ANKRD31: variants seen among roughly 807,000 people sequenced by gnomAD.
The protein encoded by ANKRD31 is ankyrin repeat domain-containing protein 31.
ANKRD31 carries 147 observed loss-of-function variants against 186.0 expected under a neutral mutation model. The ratio of observed to expected loss-of-function variants is 0.79; its 90% CI spans 0.69 to 0.91. The LOEUF is 0.91. Ranked by LOEUF, ANKRD31 falls within the 40% of genes least tolerant of loss-of-function variation. The pLI is 0.00. For missense variants in ANKRD31, 1,986 were observed against 2,148.8 expected (o/e 0.92, Z 1.50); for synonymous variants, 673 against 736.4 (o/e 0.91, Z 1.39).
chr5:75,124,431 G>A (rs1461402404), intron 17 of ANKRD31, among the ~76,000 whole-genome samples: 1 of 152,076 alleles, frequency 6.6e-6, no homozygotes, highest in African/African-American at 2.4e-5. Context: ...TCACTACTGG[G>A]TATATACCCA....
rs562145816 is a variant in ANKRD31, at chr5:75,165,300, T to C, written c.1707+3679A>G. The stretch of plus-strand genomic sequence containing the variant: ...TTCTGACTCTTCATCCCTAATAGCA[T>C]ATACTTTAAGAAAAAGAACTACCAA... On this transcript the variant is annotated intron_variant, in intron 11 of 25. Coordinates refer to ENST00000506364, the MANE Select transcript of ANKRD31 (RefSeq NM_001372053.1). Among the ~76,000 whole-genome samples, 5 of 152,338 alleles carry C rather than the reference T, an allele frequency of 3.3e-5. No homozygotes were observed. In the East Asian group the frequency reaches 9.6e-4, roughly 29 times the overall value.
intron 21 of ANKRD31, 70 bp from the exon 22 acceptor site, chr5:75,105,288 G>T: frequency 7.3e-7 from 1 of 1,361,460 alleles, no homozygotes; most frequent in Non-Finnish European, 9.6e-7. Flanking sequence ...TCACTTAGAG[G>T]TTAAAGATAC....
intron 17 of ANKRD31, among the ~76,000 whole-genome samples, chr5:75,131,391 C>A (rs966917593): frequency 3.9e-5 from 6 of 152,190 alleles, no homozygotes; most frequent in African/African-American, 1.4e-4. Flanking sequence ...GGGTCCCACG[C>A]CCACAGAGCC....
At chr5:75,234,944 T>C (rs1001261569) in intron 1 of ANKRD31, among the ~76,000 whole-genome samples, 1 of 152,202 alleles carries the variant, frequency 6.6e-6, no homozygotes, top group African/African-American at 2.4e-5. Context: ...CATCCCAATA[T>C]CATTTTTTGA....
chr5:75,103,566 A>G (rs1019628529), intron 22 of ANKRD31, among the ~76,000 whole-genome samples: 2 of 152,232 alleles, frequency 1.3e-5, no homozygotes, highest in South Asian at 2.1e-4. Context: ...TCACTGCAGC[A>G]CTATTCACAA....
chr5:75,176,763 T>C (rs981486249), intron 10 of ANKRD31, among the ~76,000 whole-genome samples: 5 of 151,984 alleles, frequency 3.3e-5, no homozygotes, highest in South Asian at 2.1e-4. Context: ...AAAAGGTAGA[T>C]AAAACCACAA....
chr5:75,216,487 G>T (rs1191454938), intron 3 of ANKRD31, among the ~76,000 whole-genome samples: 2 of 152,110 alleles, frequency 1.3e-5, no homozygotes, highest in Non-Finnish European at 2.9e-5. Context: ...AATTACTGAA[G>T]CCAGAGGAAA....
Position 75,206,429 on chromosome 5 carries a change from TC to T in ANKRD31, c.384del (p.Asn129ThrfsTer19). ...IGSFRQSGLSLNHQNIEGPEA... is the reference protein window; with the variant it reads ...IGSFRQSGLSXNHQNIEGPEA... Reference sequence around the variant, plus strand: ...AACATACCTTCAATATTTTGGTGGTTCAATGAAAGTCCAGACTGGCGAAACG... The same window carrying T: ...AACATACCTTCAATATTTTGGTGGTTAATGAAAGTCCAGACTGGCGAAACG... On this transcript the variant is annotated frameshift_variant, in exon 5 of 26. Transcript: ENST00000506364. LOFTEE classifies it high-confidence loss of function. The T allele has an allele frequency of 6.7e-7, 1 of 1,482,244 alleles. No individual in the cohort carries two copies. Among genetic ancestry groups the T allele is most frequent in the Non-Finnish European group, 8.9e-7 (1 of 1,124,224 alleles). 91.8% of individuals were successfully genotyped at this position (1,482,244 alleles called of 1,614,324 possible).
At chr5:75,195,521 A>G in intron 7 of ANKRD31, 110 bp downstream of exon 7, 1 of 928,936 alleles carries the variant, frequency 1.1e-6, no homozygotes, top group Non-Finnish European at 1.6e-6. Context: ...GCAAAATCAT[A>G]GACTCATATT....
chr5:75,078,675 C>T (rs138809418), intron 25 of ANKRD31, among the ~76,000 whole-genome samples: 8 of 152,078 alleles, frequency 5.3e-5, no homozygotes, highest in African/African-American at 1.7e-4. Context: ...AATAATGAAA[C>T]GTGATCTATC....
chr5:75,173,250 G>A (rs953999891), intron 10 of ANKRD31, among the ~76,000 whole-genome samples: 12 of 150,904 alleles, frequency 8.0e-5, no homozygotes, highest in African/African-American at 2.9e-4. Flanking sequence ...AAATAGGAGC[G>A]ATTTACGACA....
At chr5:75,155,824 T>G (rs188137230) in intron 11 of ANKRD31, among the ~76,000 whole-genome samples, 12 of 152,276 alleles carry the variant, frequency 7.9e-5, no homozygotes, top group African/African-American at 2.4e-4. Context: ...TTTGATATTA[T>G]CTAGTTTGTG....
rs373492431 is a variant in ANKRD31, at chr5:75,146,376, C to T, written c.3035G>A (p.Cys1012Tyr). Residue 1012 changes from cysteine to tyrosine, a missense_variant, in exon 14 of 26, where the codon TGT becomes TAT. Physicochemically the swap from Cys to Tyr is radical, Grantham distance 194. Coordinates refer to ENST00000506364, the MANE Select transcript of ANKRD31 (RefSeq NM_001372053.1). ...CTCATGTGTCAAAAGTGTTCTCATA[C>T]AAGCCAGGGAATTTTGCTCAGGATT... ...NGNPEQNSLA[C>Y]MRTLLTHEAS... The T allele has an allele frequency of 3.1e-5, 48 of 1,536,428 alleles. No homozygotes were observed. The highest frequency in any genetic ancestry group is 1.7e-4 in the Middle Eastern group (1 of 6,002).
intron 11 of ANKRD31, among the ~76,000 whole-genome samples, chr5:75,166,346 C>T (rs549200136): frequency 6.6e-6 from 1 of 152,190 alleles, no homozygotes; most frequent in East Asian, 1.9e-4. Context: ...TGATACATGC[C>T]TGCAATCCCA....
chr5:75,173,660 G>T (rs1417963635), intron 10 of ANKRD31, among the ~76,000 whole-genome samples: 1 of 152,102 alleles, frequency 6.6e-6, no homozygotes, highest in Non-Finnish European at 1.5e-5. Flanking sequence ...AAATAGCTAG[G>T]AATCCAACTT....
chr5:75,220,247 T>C (rs1200570663), intron 3 of ANKRD31, among the ~76,000 whole-genome samples: 1 of 152,128 alleles, frequency 6.6e-6, no homozygotes, highest in South Asian at 2.1e-4. Flanking sequence ...ACCTATGGAA[T>C]GGGAGAAAAC....
chr5:75,232,143 T>C (rs145478036), intron 1 of ANKRD31, among the ~76,000 whole-genome samples: 227 of 152,322 alleles, frequency 1.5e-3, no homozygotes, highest in Non-Finnish European at 2.2e-3. Flanking sequence ...AATTATACCA[T>C]AGCTATAGTG....
At chr5:75,193,183 G>C (rs1389844758) in intron 8 of ANKRD31, 128 bp downstream of exon 8, 6 of 1,143,040 alleles carry the variant, frequency 5.2e-6, no homozygotes, top group African/African-American at 1.6e-5. Flanking sequence ...AAATAAAAAA[G>C]CAATAATATA....
chr5:75,145,143 G>C (rs1223871700), intron 14 of ANKRD31, among the ~76,000 whole-genome samples: 1 of 152,120 alleles, frequency 6.6e-6, no homozygotes, highest in Non-Finnish European at 1.5e-5. Context: ...GTTGGTGGGA[G>C]TGTAAATTAG....
Sources: allele counts gnomAD v4.1 joint callset (sites outside exome capture counted in the v4.1 genomes callset), GRCh38; gene constraint gnomAD v4.1.1; transcripts MANE v1.5; gene names NCBI Gene and HGNC (gene_info 2026-07-23, HGNC 2026-07-21).